LRP11: variants seen among roughly 807,000 people sequenced by gnomAD.
LRP11 encodes the protein low-density lipoprotein receptor-related protein 11.
Under a neutral mutation model 43.1 loss-of-function variants are expected in LRP11, and 25 were observed. The ratio of observed to expected loss-of-function variants is 0.58; its 90% confidence interval spans 0.42 to 0.81. The LOEUF (loss-of-function observed/expected upper bound fraction) is 0.81. Among genes scored for constraint, LRP11 ranks in the 30% least tolerant of loss-of-function variants. The pLI, the probability that LRP11 is intolerant of heterozygous loss-of-function variation, is 0.00. For synonymous variants in LRP11, 316 were observed against 299.4 expected, an observed-to-expected ratio of 1.06 and a Z score of -0.57; for missense variants, 623 against 665.1, an observed-to-expected ratio of 0.94 and a Z score of 0.70.
At chr6:149,841,458 G>A (rs938457355) in intron 3 of LRP11, among the ~76,000 whole-genome samples, 1 of 152,190 alleles carries the variant, frequency 6.6e-6, no homozygotes, top group African/African-American at 2.4e-5. Context: ...CACGATGACC[G>A]AGTAACAGGA....
intron 5 of LRP11, among the ~76,000 whole-genome samples, chr6:149,834,209 A>C (rs1162090111): frequency 6.6e-6 from 1 of 152,242 alleles, no homozygotes; most frequent in Non-Finnish European, 1.5e-5. Context: ...ATTCTGAGCT[A>C]AGTCCACATT....
At chr6:149,860,156 G>A (rs999167370) in intron 1 of LRP11, among the ~76,000 whole-genome samples, 1 of 152,118 alleles carries the variant, frequency 6.6e-6, no homozygotes, top group Admixed American at 6.6e-5. Context: ...TGCACTTGGC[G>A]GAGACAGGGA....
intron 2 of LRP11, among the ~76,000 whole-genome samples, chr6:149,851,054 A>G (rs1562444706): frequency 6.6e-6 from 1 of 152,180 alleles, no homozygotes; most frequent in Non-Finnish European, 1.5e-5. Context: ...AATGTATATC[A>G]TTCTAAGACA....
At chr6:149,852,809 C>T (rs1204031742) in intron 2 of LRP11, among the ~76,000 whole-genome samples, 194 bp downstream of exon 2, 4 of 142,268 alleles carry the variant, frequency 2.8e-5, no homozygotes, top group South Asian at 4.8e-4. Flanking sequence ...GACAAATGAT[C>T]GAGATTGCTG....
At position 149,850,893 on chromosome 6, in the gene LRP11, C is replaced by T. The variant is rs1463811976; in HGVS notation, c.771+2110G>A. On this transcript the variant is annotated intron_variant, in intron 2 of 6. Coordinates refer to ENST00000239367, the MANE Select transcript of LRP11 (RefSeq NM_032832.6). ...ACAATGTTTCCTGACAGTCTTCATC[C>T]ACCAAATGGGGATGTGCCTACAAGT... 2.6e-5 allele frequency among the ~76,000 whole-genome samples: 4 copies of T among 152,144 alleles called. No individual in the cohort carries two copies. In the East Asian group the frequency reaches 5.8e-4, roughly 22 times the overall value.
intron 5 of LRP11, among the ~76,000 whole-genome samples, chr6:149,835,005 C>G (rs1352169587): frequency 6.6e-6 from 1 of 152,178 alleles, no homozygotes; most frequent in Admixed American, 6.5e-5. Context: ...AAAATCATGT[C>G]AGGTTATTTC....
intron 6 of LRP11, among the ~76,000 whole-genome samples, chr6:149,825,090 C>A (rs1776322394): frequency 6.6e-6 from 1 of 152,112 alleles, no homozygotes; most frequent in African/African-American, 2.4e-5. Flanking sequence ...GTATTCTTAG[C>A]TATCTATTGT....
Position 149,819,378 on chromosome 6 carries a change from T to A in LRP11, c.*1171A>T, listed in dbSNP as rs1162486463. 6.6e-6 allele frequency: 1 copy of A among 152,170 alleles called. No individual in the cohort carries two copies. Among genetic ancestry groups the A allele is most frequent in the African/African-American group, 2.4e-5 (1 of 41,430 alleles). 9.4% of individuals were successfully genotyped at this position (152,170 alleles called of 1,614,324 possible). On this transcript the variant is annotated 3_prime_UTR_variant, in exon 7 of 7. Coordinates refer to ENST00000239367, the MANE Select transcript of LRP11 (RefSeq NM_032832.6). ...ACCATACTATACACTCCTCTCAGAA[T>A]CATTTCTAGAATGTGTATAATCCCG...
At chr6:149,857,238 T>C (rs73612411) in intron 1 of LRP11, among the ~76,000 whole-genome samples, 6,934 of 152,240 alleles carry the variant, frequency 0.046, 359 homozygotes, top group South Asian at 0.12. Flanking sequence ...AGTCTGACTT[T>C]GAAACAGACG....
intron 1 of LRP11, among the ~76,000 whole-genome samples, chr6:149,859,708 G>A (rs1362987208): frequency 1.3e-5 from 2 of 151,782 alleles, no homozygotes; most frequent in South Asian, 2.1e-4. Flanking sequence ...TAAACTCTAC[G>A]AATAAATAAT....
In LRP11 at chr6:149,850,339, T is replaced by C. The variant is rs76903836; in HGVS notation, c.771+2664A>G. Among the ~76,000 whole-genome samples the C allele has an allele frequency of 6.8e-4, 104 of 152,208 alleles. 2 individuals are homozygous for C. The East Asian group carries it at 0.016, about 23-fold the overall frequency. Reference sequence around the variant, plus strand: ...AGAGGCCCAATTCTCCTGGCAGAAATGTTGGGGTGTGAAATAAGGCTGCTC... The same window carrying C: ...AGAGGCCCAATTCTCCTGGCAGAAACGTTGGGGTGTGAAATAAGGCTGCTC... On this transcript the variant is annotated intron_variant, in intron 2 of 6. Coordinates refer to ENST00000239367, the MANE Select transcript of LRP11 (RefSeq NM_032832.6).
intron 1 of LRP11, among the ~76,000 whole-genome samples, chr6:149,857,913 T>C (rs962659324): frequency 3.9e-5 from 6 of 152,208 alleles, no homozygotes; most frequent in African/African-American, 7.2e-5. Context: ...GGTGAAGTTA[T>C]AGAAAGAACT....
At chr6:149,856,457 T>C (rs1776800528) in intron 1 of LRP11, among the ~76,000 whole-genome samples, 1 of 152,188 alleles carries the variant, frequency 6.6e-6, no homozygotes, top group Non-Finnish European at 1.5e-5. Flanking sequence ...TATTTTAAAA[T>C]AACCCAGAGC....
rs1373017417 is a variant in LRP11, at chr6:149,853,076, T to A, written c.698A>T (p.Glu233Val). ...PTDGVVLDGRESTDDHAIVQY... is the reference protein window; with the variant it reads ...PTDGVVLDGRVSTDDHAIVQY... ...GACGATGGCGTGGTCATCTGTGCTC[T>A]CGCGGCCGTCTAGAACCACCCCGTC... Residue 233 changes from glutamate to valine, a missense_variant, in exon 2 of 7, where the codon GAG becomes GTG. Transcript: ENST00000239367. 1.2e-6 allele frequency: 2 copies of A among 1,612,652 alleles called. No homozygotes were observed. Among genetic ancestry groups the A allele is most frequent in the Non-Finnish European group, 1.7e-6 (2 of 1,179,356 alleles).
intron 3 of LRP11, among the ~76,000 whole-genome samples, chr6:149,841,221 G>C (rs1041450105): frequency 6.6e-5 from 10 of 152,072 alleles, no homozygotes; most frequent in Admixed American, 2.0e-4. Context: ...TTTGATAGAA[G>C]GCTAGATCCA....
intron 2 of LRP11, among the ~76,000 whole-genome samples, chr6:149,851,343 T>G (rs1007871095): frequency 1.3e-5 from 2 of 152,108 alleles, no homozygotes; most frequent in Admixed American, 1.3e-4. Context: ...TGGGGTTCAA[T>G]TAGGGGTATT....
intron 2 of LRP11, among the ~76,000 whole-genome samples, chr6:149,846,948 TAAAATAATAGAATAGAATAGAATAG>T (rs1279079158): frequency 8.2e-6 from 1 of 121,570 alleles, no homozygotes; most frequent in African/African-American, 3.0e-5. Context: ...TAAAATAAAA[TAAAATAATAGAATAGAATAGAATAG>T]AATAGAATAG....
intron 3 of LRP11, among the ~76,000 whole-genome samples, chr6:149,838,171 G>A (rs143274824): frequency 0.018 from 2,798 of 151,580 alleles, 92 homozygotes; most frequent in African/African-American, 0.065. Flanking sequence ...CACCTGCCTC[G>A]GCCTCCCAAA....
chr6:149,864,064 C>G lies in LRP11; in HGVS notation c.-44G>C. ...CAGCGAGCCGAGGCGGGGCTGAGCG[C>G]GGGAGGAAGGCGGGGACGCGGGCGA... is the stretch of plus-strand genomic sequence containing the variant. On this transcript the variant is annotated 5_prime_UTR_variant, in exon 1 of 7. Transcript: ENST00000239367. 1.6e-6 allele frequency: 2 copies of G among 1,266,978 alleles called. No homozygotes were observed. Among genetic ancestry groups the G allele is most frequent in the Non-Finnish European group, 2.0e-6 (2 of 1,009,392 alleles). 78.5% of individuals were successfully genotyped at this position (1,266,978 alleles called of 1,614,324 possible).
Sources: gnomAD v4.1 joint callset for allele counts (sites outside exome capture counted in the v4.1 genomes callset) on GRCh38, gnomAD v4.1.1 for gene constraint, MANE v1.5 for transcripts, NCBI Gene and HGNC (gene_info 2026-07-23, HGNC 2026-07-21) for gene names.